The following KIF15 variants were observed in gnomAD, a reference collection of about 807,000 sequenced individuals.
The protein encoded by KIF15 is kinesin-like protein KIF15.
KIF15 carries 140 observed loss-of-function variants against 190.6 expected under a neutral mutation model. That is an observed-to-expected ratio of 0.73 (90% CI 0.64 to 0.84). The LOEUF (loss-of-function observed/expected upper bound fraction) is 0.84, where lower values mean the gene tolerates loss of function less well. Ranked by LOEUF, KIF15 falls within the 40% of genes least tolerant of loss-of-function variation. The pLI is 0.00. For synonymous variants in KIF15, 528 were observed against 551.3 expected, an observed-to-expected ratio of 0.96 and a Z score of 0.59; for missense variants, 1,372 against 1,584.4, an observed-to-expected ratio of 0.87 and a Z score of 2.28.
At chr3:44,859,731 T>C (rs780588341) in intron 6 of KIF15, among the ~76,000 whole-genome samples, 10 of 152,104 alleles carry the variant, frequency 6.6e-5, no homozygotes, top group Non-Finnish European at 1.3e-4. Flanking sequence ...GAGGCTGAGC[T>C]GAGAGGATGG....
chr3:44,840,986 T>A lies in KIF15; in HGVS notation c.3421-88T>A. 8 of 1,286,730 alleles carry A rather than the reference T, an allele frequency of 6.2e-6. No homozygotes were observed. In the South Asian group the frequency reaches 1.0e-4, roughly 17 times the overall value. 79.7% of individuals were successfully genotyped at this position (1,286,730 alleles called of 1,614,324 possible). A position where few individuals can be genotyped will look rare whatever the true frequency, so the allele number is the denominator to read the frequency against. On this transcript the variant is annotated intron_variant, in intron 28 of 34. Transcript: ENST00000326047. ...ACCATGCCCAGCCGTAGCTAGAATATTTTTTATGTACTTGACATTTACGTT... is the reference window on the plus strand; with the variant it reads ...ACCATGCCCAGCCGTAGCTAGAATAATTTTTATGTACTTGACATTTACGTT...
intron 1 of KIF15, among the ~76,000 whole-genome samples, chr3:44,770,608 A>C (rs554663627): frequency 6.6e-6 from 1 of 152,330 alleles, no homozygotes; most frequent in Admixed American, 6.5e-5. Flanking sequence ...AAAAGGAAGC[A>C]TACCCTTCCA....
intron 25 of KIF15, 97 bp from the exon 26 acceptor site, chr3:44,830,799 A>G: frequency 8.4e-7 from 1 of 1,194,826 alleles, no homozygotes; most frequent in Non-Finnish European, 1.2e-6. Context: ...TCTTGTGTTA[A>G]TCTTGTCATC....
intron 16 of KIF15, among the ~76,000 whole-genome samples, chr3:44,807,414 G>A (rs562951754): frequency 6.6e-6 from 1 of 152,020 alleles, no homozygotes; most frequent in Non-Finnish European, 1.5e-5. Flanking sequence ...TAGTAGAGAC[G>A]AGGTTTCACC....
intron 16 of KIF15, among the ~76,000 whole-genome samples, chr3:44,806,881 G>A (rs546859013): frequency 1.7e-4 from 26 of 152,158 alleles, no homozygotes; most frequent in Admixed American, 4.6e-4. Context: ...GAGTAGCTGG[G>A]ATTACAGGCG....
At chr3:44,794,541 C>T (rs1706879938) in intron 8 of KIF15, 115 bp downstream of exon 8, 2 of 737,622 alleles carry the variant, frequency 2.7e-6, no homozygotes, top group Admixed American at 3.0e-5. Context: ...GATGGGGGTC[C>T]CTTAAGAGTA....
chr3:44,829,539 A>G (rs1321488403), intron 24 of KIF15, among the ~76,000 whole-genome samples: 1 of 122,232 alleles, frequency 8.2e-6, no homozygotes, highest in Non-Finnish European at 1.6e-5. Context: ...TAATATGTAT[A>G]TATTATATAT....
At position 44,790,005 on chromosome 3, in the gene KIF15, AGTCATGGTGTTGG is replaced by A. The variant is rs542046300; in HGVS notation, c.639+3434_639+3446del. ...TTTTGGTGGATAAGTGAGTGATGGC[AGTCATGGTGTTGG>A]GTTAAATCGGGAATAAATGTTTGCA... On this transcript the variant is annotated intron_variant, in intron 7 of 34. Transcript: ENST00000326047. Among the ~76,000 whole-genome samples the A allele has an allele frequency of 8.5e-5, 13 of 152,280 alleles. No homozygotes were observed. The South Asian group carries it at 2.3e-3, about 27-fold the overall frequency.
intron 14 of KIF15, 107 bp downstream of exon 14, chr3:44,803,098 A>G (rs1372133240): frequency 7.9e-6 from 7 of 888,534 alleles, no homozygotes; most frequent in Non-Finnish European, 6.7e-6. Flanking sequence ...CAGGCCTGCT[A>G]TGCTAATGTC....
intron 8 of KIF15, among the ~76,000 whole-genome samples, chr3:44,797,227 C>A (rs538383954): frequency 1.8e-4 from 27 of 152,148 alleles, no homozygotes; most frequent in African/African-American, 6.5e-4. Context: ...TGGGGTTTTG[C>A]CATGTTGCCC....
chr3:44,864,251 C>T, intron 6 of KIF15: 4 of 1,614,202 alleles, frequency 2.5e-6, no homozygotes, highest in Non-Finnish European at 3.4e-6. Flanking sequence ...CACCAATTCT[C>T]TGATGTGGAC....
At chr3:44,827,062 C>A (rs765656361) in intron 22 of KIF15, 4 of 456,714 alleles carry the variant, frequency 8.8e-6, no homozygotes, top group South Asian at 3.1e-5. Flanking sequence ...GACATTTACT[C>A]ATTTATTCAA....
chr3:44,820,604 C>T (rs4380454), intron 20 of KIF15, among the ~76,000 whole-genome samples: 58,406 of 145,006 alleles, frequency 0.4, 11,229 homozygotes, highest in East Asian at 0.77. Flanking sequence ...CATCTTGCAC[C>T]GCCCTTAATC....
At chr3:44,816,043 T>G in intron 20 of KIF15, among the ~76,000 whole-genome samples, 1 of 152,316 alleles carries the variant, frequency 6.6e-6, no homozygotes, top group African/African-American at 2.4e-5. Context: ...TTTCTTTTTT[T>G]TTTAAAGATT....
chr3:44,814,581 G>A (rs1290354317), intron 19 of KIF15, among the ~76,000 whole-genome samples: 4 of 152,186 alleles, frequency 2.6e-5, no homozygotes, highest in Non-Finnish European at 4.4e-5. Flanking sequence ...AAAGTACTGG[G>A]ATTATAGGCA....
chr3:44,859,192 T>C (rs114697422), intron 6 of KIF15, among the ~76,000 whole-genome samples: 2,836 of 152,334 alleles, frequency 0.019, 74 homozygotes, highest in African/African-American at 0.063. Context: ...CCACTGCGGT[T>C]CAGACGTTTT....
chr3:44,861,775 G>C, intron 6 of KIF15: 2 of 876,038 alleles, frequency 2.3e-6, no homozygotes, highest in South Asian at 1.7e-5. Flanking sequence ...CACCTGGCCC[G>C]CCCCCTCCGA....
At chr3:44,840,819 C>G (rs917221254) in intron 28 of KIF15, among the ~76,000 whole-genome samples, 1 of 123,688 alleles carries the variant, frequency 8.1e-6, no homozygotes, top group Admixed American at 8.4e-5. Context: ...CAGGTGCACA[C>G]TGCCACGCCT....
chr3:44,838,416 C>A lies in KIF15; in HGVS notation c.3313C>A (p.His1105Asn), dbSNP rs1698429518. Residue 1105 changes from histidine to asparagine, a missense_variant, in exon 27 of 35, where the codon CAC becomes AAC. By Grantham distance (68) the His-to-Asn change is moderately conservative. Coordinates refer to ENST00000326047, the MANE Select transcript of KIF15 (RefSeq NM_020242.3). ...GGAAGCCCTGATTCAGGAACTTCAG[C>A]ACAAGGTGAGAAACACACAGGTGTC... ...KKEALIQELQ[H>N]KLNQKKEEVE... The A allele has an allele frequency of 6.2e-7, 1 of 1,611,968 alleles. No homozygotes were observed. The highest frequency in any genetic ancestry group is 1.3e-5 in the African/African-American group (1 of 74,796).
Sources: allele counts gnomAD v4.1 joint callset (sites outside exome capture counted in the v4.1 genomes callset), GRCh38; gene constraint gnomAD v4.1.1; transcripts MANE v1.5; gene names NCBI Gene and HGNC (gene_info 2026-07-23, HGNC 2026-07-21).